Variants in KCNJ15 observed in about 807,000 individuals in gnomAD.
KCNJ15 encodes potassium inwardly rectifying channel subfamily J member 15.
Under a neutral mutation model 23.0 loss-of-function variants are expected in KCNJ15, and 14 were observed. The ratio of observed to expected loss-of-function variants is 0.61; its 90% CI spans 0.40 to 0.95. KCNJ15 has a LOEUF of 0.95. Ranked by LOEUF, KCNJ15 falls within the 40% of genes least tolerant of loss-of-function variation. The pLI is 0.00. For missense variants in KCNJ15, 388 were observed against 461.8 expected, an observed-to-expected ratio of 0.84 and a Z score of 1.46; for synonymous variants, 185 against 183.2, an observed-to-expected ratio of 1.01 and a Z score of -0.08.
chr21:38,277,765 T>G (rs1435638642), intron 1 of KCNJ15, among the ~76,000 whole-genome samples: 3 of 152,216 alleles, frequency 2.0e-5, no homozygotes, highest in African/African-American at 7.2e-5. Flanking sequence ...AAAAGCAATT[T>G]AGACAACTAC....
chr21:38,269,981 C>T (rs1189722378), intron 1 of KCNJ15, among the ~76,000 whole-genome samples: 1 of 152,160 alleles, frequency 6.6e-6, no homozygotes, highest in Non-Finnish European at 1.5e-5. Flanking sequence ...CCCAGCAAGG[C>T]CCCCCGCCCT....
At position 38,299,158 on chromosome 21, in the gene KCNJ15, T is replaced by A; in HGVS notation, c.-18-86T>A. The A allele has an allele frequency of 9.7e-7, 1 of 1,034,488 alleles. No homozygotes were observed. Among genetic ancestry groups the A allele is most frequent in the Non-Finnish European group, 1.4e-6 (1 of 694,144 alleles). The allele number at this position is 1,034,488 out of a possible 1,614,324, so 64.1% of individuals were successfully genotyped here. A position where few individuals can be genotyped will look rare whatever the true frequency, so the allele number is the denominator to read the frequency against. ...CCTTTCTTGTGTACTTCCATGTACA[T>A]TCATACTTACTTCACATGATGATTC... is the stretch of plus-strand genomic sequence containing the variant. On this transcript the variant is annotated intron_variant, in intron 2 of 2. Transcript: ENST00000398938. The surrounding 1 kb of genome is among the most constrained non-coding windows in gnomAD (Gnocchi z 4.5).
At position 38,302,405 on chromosome 21, in the gene KCNJ15, GGAAAGTTTGT is replaced by G. The variant is rs1985862520; in HGVS notation, c.*2025_*2034del. The G allele has an allele frequency of 6.6e-6, 1 of 152,330 alleles. No individual in the cohort carries two copies. Among genetic ancestry groups the G allele is most frequent in the East Asian group, 1.9e-4 (1 of 5,184 alleles). The allele number at this position is 152,330 out of a possible 1,614,324, so 9.4% of individuals were successfully genotyped here. On this transcript the variant is annotated 3_prime_UTR_variant, in exon 3 of 3. Coordinates refer to ENST00000398938, the MANE Select transcript of KCNJ15 (RefSeq NM_170736.3). ...TAAGGCAGGTGTAAGAATAGTGGGA[GGAAAGTTTGT>G]GAAAGTTTAAAGAATGCCCTCAATC...
At chr21:38,275,519 C>CAAAAA (rs10709944) in intron 1 of KCNJ15, among the ~76,000 whole-genome samples, 2 of 88,096 alleles carry the variant, frequency 2.3e-5, no homozygotes, top group Admixed American at 1.3e-4. Flanking sequence ...GAAACTCCGT[C>CAAAAA]AAAAAAAAAA....
intron 1 of KCNJ15, among the ~76,000 whole-genome samples, chr21:38,247,522 GTGGATGGATGGATGGATGGA>G (rs10579917): frequency 2.2e-5 from 3 of 137,316 alleles, no homozygotes; most frequent in Non-Finnish European, 3.2e-5. Flanking sequence ...AGATGCATAG[GTGGATGGATGGATGGATGGA>G]TGGATGGATG....
At chr21:38,246,561 A>T (rs1034010846) in intron 1 of KCNJ15, among the ~76,000 whole-genome samples, 3 of 152,198 alleles carry the variant, frequency 2.0e-5, no homozygotes, top group Non-Finnish European at 2.9e-5. Flanking sequence ...GTAACATTTT[A>T]AAAATGCTAG....
intron 1 of KCNJ15, among the ~76,000 whole-genome samples, chr21:38,277,723 G>C (rs919151748): frequency 3.3e-5 from 5 of 152,196 alleles, no homozygotes; most frequent in Admixed American, 6.5e-5. Flanking sequence ...TTCCCACAGA[G>C]ATAGAAAAAT....
chr21:38,245,583 AAGAG>A (rs536161029), intron 1 of KCNJ15, among the ~76,000 whole-genome samples: 3 of 150,252 alleles, frequency 2.0e-5, no homozygotes, highest in East Asian at 1.9e-4. Context: ...GAAAGAAAGA[AAGAG>A]AGAGAGAGAA....
At chr21:38,238,501 G>C in intron 1 of KCNJ15, 1 of 646,322 alleles carries the variant, frequency 1.5e-6, no homozygotes, top group Non-Finnish European at 2.9e-6. Context: ...CTGCTGCTGG[G>C]CTGAGAGGGC....
At chr21:38,290,767 A>T (rs1984518826) in intron 1 of KCNJ15, among the ~76,000 whole-genome samples, 1 of 152,144 alleles carries the variant, frequency 6.6e-6, no homozygotes, top group African/African-American at 2.4e-5. Flanking sequence ...GTAGCCAGTG[A>T]GATGGATAAC....
upstream of KCNJ15, among the ~76,000 whole-genome samples, chr21:38,255,027 G>A (rs1980094292): frequency 6.6e-6 from 1 of 152,188 alleles, no homozygotes; most frequent in Non-Finnish European, 1.5e-5. Context: ...CTGGAAAGAT[G>A]TTTGGTGAAT....
intron 1 of KCNJ15, among the ~76,000 whole-genome samples, chr21:38,285,919 C>T (rs1166258340): frequency 6.6e-6 from 1 of 152,106 alleles, no homozygotes; most frequent in Non-Finnish European, 1.5e-5. Flanking sequence ...TATAAAGTTG[C>T]ATGTGACTGA....
chr21:38,272,270 C>G (rs1982182432), intron 1 of KCNJ15: 1 of 152,200 alleles, frequency 6.6e-6, no homozygotes, highest in African/African-American at 2.4e-5. Flanking sequence ...CCCATAAAAA[C>G]TGAAGCCATG....
upstream of KCNJ15, among the ~76,000 whole-genome samples, chr21:38,254,935 C>T (rs1249596906): frequency 2.6e-5 from 4 of 152,200 alleles, no homozygotes; most frequent in East Asian, 1.9e-4. Context: ...GGTAACAAAT[C>T]ATGTCTTCCA....
At chr21:38,257,382 A>G (rs1980361614) in intron 1 of KCNJ15, among the ~76,000 whole-genome samples, 197 bp downstream of exon 1, 1 of 152,184 alleles carries the variant, frequency 6.6e-6, no homozygotes, top group South Asian at 2.1e-4. Flanking sequence ...TTACTTAATG[A>G]TGGGACAAAA....
intron 1 of KCNJ15, among the ~76,000 whole-genome samples, chr21:38,244,669 C>A (rs1208783439): frequency 6.6e-6 from 1 of 152,142 alleles, no homozygotes; most frequent in Admixed American, 6.5e-5. Context: ...ATGCCAAAAA[C>A]ATCATTATCT....
intron 1 of KCNJ15, chr21:38,238,141 C>T (rs1055719296): frequency 2.1e-5 from 8 of 378,580 alleles, no homozygotes; most frequent in Non-Finnish European, 4.1e-5. Context: ...GGGATGGCCA[C>T]AAGTTCTACA....
Position 38,284,690 on chromosome 21 carries a change from G to A in KCNJ15, c.-116-12236G>A, listed in dbSNP as rs544059823. On this transcript the variant is annotated intron_variant, in intron 1 of 2. Coordinates refer to ENST00000398938, the MANE Select transcript of KCNJ15 (RefSeq NM_170736.3). Reference sequence around the variant, plus strand: ...CTTGTGCTCCAAGGATGGGGGTGACGGTCCTCAAGGAGCCCACAAAGCCAC... The same window carrying A: ...CTTGTGCTCCAAGGATGGGGGTGACAGTCCTCAAGGAGCCCACAAAGCCAC... Among the ~76,000 whole-genome samples, 12 of 152,268 alleles carry A rather than the reference G, an allele frequency of 7.9e-5. No homozygotes were observed. The South Asian group carries it at 8.3e-4, about 11-fold the overall frequency.
chr21:38,284,579 T>C (rs1156567246), intron 1 of KCNJ15, among the ~76,000 whole-genome samples: 1 of 152,214 alleles, frequency 6.6e-6, no homozygotes, highest in African/African-American at 2.4e-5. Context: ...CTCTTTCCAA[T>C]ACATTCCCTA....
Sources: gnomAD v4.1 joint callset for allele counts (sites outside exome capture counted in the v4.1 genomes callset) on GRCh38, gnomAD v4.1.1 for gene constraint, Gnocchi (gnomAD v3.1) non-coding constraint, MANE v1.5 for transcripts, NCBI Gene and HGNC (gene_info 2026-07-23, HGNC 2026-07-21) for gene names.